Variants in DDX10 observed in about 807,000 individuals in gnomAD.
DDX10 encodes probable ATP-dependent RNA helicase DDX10.
A neutral mutation model predicts 104.3 loss-of-function variants in DDX10; 74 were observed. The observed-to-expected ratio is 0.71, with a 90% confidence interval of 0.59 to 0.86. The LOEUF is 0.86. DDX10 is among the 40% of genes least tolerant of loss of function. The probability of loss-of-function intolerance (pLI) is 0.00; values close to 1 mark genes in which losing one functional copy is unlikely to be tolerated. For synonymous variants in DDX10, 351 were observed against 353.4 expected, an observed-to-expected ratio of 0.99 and a Z score of 0.08; for missense variants, 952 against 1,040.0, an observed-to-expected ratio of 0.92 and a Z score of 1.16.
intron 16 of DDX10, among the ~76,000 whole-genome samples, chr11:108,908,520 T>C (rs914367941): frequency 1.3e-5 from 2 of 152,248 alleles, no homozygotes; most frequent in African/African-American, 4.8e-5. Flanking sequence ...TTTGTTTTTA[T>C]GAATGCTGTA....
intron 16 of DDX10, among the ~76,000 whole-genome samples, chr11:108,879,265 G>T (rs1863195295): frequency 6.6e-6 from 1 of 152,110 alleles, no homozygotes; most frequent in Admixed American, 6.6e-5. Context: ...CTCCCAAAGT[G>T]CTGAGATTAC....
chr11:108,813,174 G>T (rs1862208849), intron 13 of DDX10, among the ~76,000 whole-genome samples: 1 of 152,074 alleles, frequency 6.6e-6, no homozygotes. Context: ...ATTCCTAGAA[G>T]TGAAATAACT....
At chr11:108,680,896 CT>C (rs2094234009) in intron 6 of DDX10, among the ~76,000 whole-genome samples, 1 of 152,090 alleles carries the variant, frequency 6.6e-6, no homozygotes, top group Admixed American at 6.5e-5. Flanking sequence ...GTACTGGTAT[CT>C]TTGACTTTCA....
At chr11:108,700,771 G>A (rs1463497252) in intron 9 of DDX10, among the ~76,000 whole-genome samples, 3 of 151,902 alleles carry the variant, frequency 2.0e-5, no homozygotes, top group African/African-American at 7.3e-5. Flanking sequence ...GGGGTTAATT[G>A]TATCTAACTC....
At chr11:108,894,022 C>T (rs890732080) in intron 16 of DDX10, among the ~76,000 whole-genome samples, 1 of 152,012 alleles carries the variant, frequency 6.6e-6, no homozygotes, top group African/African-American at 2.4e-5. Flanking sequence ...TTGTAAATGA[C>T]TGCAGCAAAC....
At chr11:108,706,892 T>G in intron 10 of DDX10, 55 bp downstream of exon 10, 1 of 1,472,462 alleles carries the variant, frequency 6.8e-7, no homozygotes, top group Non-Finnish European at 9.5e-7. Context: ...ATGAAATTGT[T>G]TGCTTAATTA....
At chr11:108,911,957 T>C (rs1246903243) in intron 16 of DDX10, among the ~76,000 whole-genome samples, 1 of 152,216 alleles carries the variant, frequency 6.6e-6, no homozygotes, top group Non-Finnish European at 1.5e-5. Flanking sequence ...TGCTGTCTTC[T>C]TGGTTTCTAT....
intron 1 of DDX10, among the ~76,000 whole-genome samples, chr11:108,667,644 G>T (rs763745327): frequency 6.6e-6 from 1 of 152,176 alleles, no homozygotes; most frequent in Non-Finnish European, 1.5e-5. Context: ...TACATGATAG[G>T]CATATATGAA....
At chr11:108,693,676 C>T (rs571536952) in intron 9 of DDX10, 76 bp downstream of exon 9, 114 of 1,165,744 alleles carry the variant, frequency 9.8e-5, no homozygotes, top group South Asian at 8.0e-4. Context: ...TGCAGATAAA[C>T]GAAGAAAGGA....
chr11:108,769,149 C>T (rs186312087), intron 13 of DDX10, among the ~76,000 whole-genome samples: 174 of 150,792 alleles, frequency 1.2e-3, no homozygotes, highest in African/African-American at 4.0e-3. Context: ...TTTCCTGTGT[C>T]TGAGGATTCA....
At chr11:108,798,419 A>G (rs1271697128) in intron 13 of DDX10, among the ~76,000 whole-genome samples, 1 of 152,184 alleles carries the variant, frequency 6.6e-6, no homozygotes, top group Non-Finnish European at 1.5e-5. Context: ...CTGCAACTCT[A>G]TACCTTTTAA....
intron 13 of DDX10, among the ~76,000 whole-genome samples, chr11:108,738,722 G>T (rs561543236): frequency 6.6e-6 from 1 of 152,122 alleles, no homozygotes; most frequent in Non-Finnish European, 1.5e-5. Context: ...ATTTACTGAC[G>T]AAAGAGACTT....
chr11:108,761,754 C>T (rs1370130182), intron 13 of DDX10, among the ~76,000 whole-genome samples: 1 of 152,016 alleles, frequency 6.6e-6, no homozygotes, highest in Non-Finnish European at 1.5e-5. Context: ...ATTTGGGTCA[C>T]CAGAGAAAGT....
At chr11:108,862,971 A>G (rs1862960309) in intron 16 of DDX10, among the ~76,000 whole-genome samples, 1 of 152,260 alleles carries the variant, frequency 6.6e-6, no homozygotes, top group Non-Finnish European at 1.5e-5. Context: ...ATTCAGAAAC[A>G]TACAAAGCTT....
intron 13 of DDX10, among the ~76,000 whole-genome samples, chr11:108,741,512 T>C (rs946047422): frequency 1.3e-5 from 2 of 152,124 alleles, no homozygotes; most frequent in Non-Finnish European, 2.9e-5. Flanking sequence ...TTTGGGGAGA[T>C]CTTCCACCTT....
At chr11:108,931,237 T>C (rs937501804) in intron 17 of DDX10, among the ~76,000 whole-genome samples, 2 of 152,238 alleles carry the variant, frequency 1.3e-5, no homozygotes, top group African/African-American at 4.8e-5. Context: ...AGTAAGATCA[T>C]GCCCACCATG....
chr11:108,940,717 C>T lies in DDX10; in HGVS notation c.*294C>T. The T allele has an allele frequency of 3.6e-6, 1 of 276,496 alleles. No homozygotes were observed. 17.1% of individuals were successfully genotyped at this position (276,496 alleles called of 1,614,324 possible). A position where few individuals can be genotyped will look rare whatever the true frequency, so the allele number is the denominator to read the frequency against. ...TACGCCTTGTCATTGGAAACACTGC[C>T]TTTGTCTTACTGGCAAGTTCTGGAG... On this transcript the variant is annotated 3_prime_UTR_variant, in exon 18 of 18. Transcript: ENST00000322536.
intron 16 of DDX10, among the ~76,000 whole-genome samples, chr11:108,879,836 C>G (rs1329160354): frequency 6.6e-6 from 1 of 151,956 alleles, no homozygotes; most frequent in African/African-American, 2.4e-5. Context: ...CAGAATGTCC[C>G]TTATTACCAG....
intron 17 of DDX10, among the ~76,000 whole-genome samples, chr11:108,936,448 T>A (rs535127063): frequency 6.6e-6 from 1 of 152,226 alleles, no homozygotes; most frequent in Admixed American, 6.5e-5. Flanking sequence ...TCAAATTTAA[T>A]TTTTTTCTTT....
Sources: allele counts gnomAD v4.1 joint callset (sites outside exome capture counted in the v4.1 genomes callset), GRCh38; gene constraint gnomAD v4.1.1; transcripts MANE v1.5; gene names NCBI Gene and HGNC (gene_info 2026-07-23, HGNC 2026-07-21).